MAPK4: variants seen among roughly 807,000 people sequenced by gnomAD.
MAPK4 encodes mitogen-activated protein kinase 4.
Under a neutral mutation model 47.7 loss-of-function variants are expected in MAPK4, and 22 were observed. The observed-to-expected ratio is 0.46, with a 90% confidence interval of 0.33 to 0.66. The LOEUF (loss-of-function observed/expected upper bound fraction) is 0.66, where lower values mean the gene tolerates loss of function less well. Among genes scored for constraint, MAPK4 ranks in the 30% least tolerant of loss-of-function variants. MAPK4 has a pLI of 0.02. For missense variants in MAPK4, 736 were observed against 831.7 expected, an observed-to-expected ratio of 0.88 and a Z score of 1.42; for synonymous variants, 390 against 365.7, an observed-to-expected ratio of 1.07 and a Z score of -0.76.
In MAPK4 at chr18:50,663,778, C is replaced by CCGT; in HGVS notation, c.-181_-180insCGT. On this transcript the variant is annotated 5_prime_UTR_variant, in exon 2 of 6. Coordinates refer to ENST00000400384, the MANE Select transcript of MAPK4 (RefSeq NM_002747.4). ...CCCCCAACTAGCACAGCTCAGCGAG[C>CCGT]ATGACCATATGCCATTCTCGTCTCC... 8 of 581,648 alleles carry CCGT rather than the reference C, an allele frequency of 1.4e-5. No homozygotes were observed. Among genetic ancestry groups the CCGT allele is most frequent in the Admixed American group, 6.1e-5 (2 of 32,966 alleles). The allele number at this position is 581,648 out of a possible 1,614,324, so 36.0% of individuals were successfully genotyped here.
intron 2 of MAPK4, among the ~76,000 whole-genome samples, chr18:50,704,280 C>T (rs985685663): frequency 2.0e-5 from 3 of 152,128 alleles, no homozygotes; most frequent in Non-Finnish European, 2.9e-5. Flanking sequence ...GAGGCTGAGG[C>T]GGGTGCAATG....
intron 1 of MAPK4, among the ~76,000 whole-genome samples, chr18:50,622,978 G>T (rs2042745735): frequency 1.3e-5 from 2 of 152,194 alleles, no homozygotes; most frequent in Admixed American, 1.3e-4. Context: ...CAGGAACAGA[G>T]CCCTTGAAGT....
intron 2 of MAPK4, among the ~76,000 whole-genome samples, chr18:50,683,471 T>TGTGTGC (rs887012568): frequency 1.5e-4 from 22 of 151,718 alleles, no homozygotes; most frequent in African/African-American, 4.9e-4. Flanking sequence ...TGTGTGTGTG[T>TGTGTGC]GTGTGTGTGT....
chr18:50,584,154 G>A (rs16952177), intron 1 of MAPK4, among the ~76,000 whole-genome samples: 6,160 of 152,198 alleles, frequency 0.04, 447 homozygotes, highest in African/African-American at 0.14. Context: ...TGTGTTTATC[G>A]TCCTTAAGCA....
At chr18:50,615,061 A>G (rs968437957) in intron 1 of MAPK4, among the ~76,000 whole-genome samples, 2 of 152,158 alleles carry the variant, frequency 1.3e-5, no homozygotes, top group African/African-American at 4.8e-5. Context: ...CTAGGGCAAG[A>G]GATGTGGAGA....
chr18:50,673,254 G>C (rs1277944822), intron 2 of MAPK4, among the ~76,000 whole-genome samples: 1 of 152,184 alleles, frequency 6.6e-6, no homozygotes, highest in Non-Finnish European at 1.5e-5. Context: ...TCCAGCCTAA[G>C]CGAAAGAGTG....
intron 1 of MAPK4, among the ~76,000 whole-genome samples, chr18:50,572,400 T>G (rs2042257784): frequency 6.6e-6 from 1 of 152,192 alleles, no homozygotes; most frequent in South Asian, 2.1e-4. Flanking sequence ...ACTCAGGTCA[T>G]TATGAAGTTT....
chr18:50,569,602 G>T (rs963513702), intron 1 of MAPK4, among the ~76,000 whole-genome samples: 1 of 152,170 alleles, frequency 6.6e-6, no homozygotes, highest in African/African-American at 2.4e-5. Flanking sequence ...TCCATTTCTG[G>T]TTGGGCCAGT....
chr18:50,668,890 A>G (rs1490971533), intron 2 of MAPK4, among the ~76,000 whole-genome samples: 2 of 152,112 alleles, frequency 1.3e-5, no homozygotes, highest in African/African-American at 4.8e-5. Flanking sequence ...TCACTTCCCG[A>G]TTGTCTTTTC....
At chr18:50,632,570 T>C (rs2042840753) in intron 1 of MAPK4, among the ~76,000 whole-genome samples, 1 of 151,962 alleles carries the variant, frequency 6.6e-6, no homozygotes, top group African/African-American at 2.4e-5. Flanking sequence ...ATTATACACC[T>C]CTGGACTTTA....
chr18:50,597,036 G>C (rs967290366), intron 1 of MAPK4, among the ~76,000 whole-genome samples: 23 of 152,178 alleles, frequency 1.5e-4, no homozygotes, highest in African/African-American at 4.6e-4. Context: ...TAAGTGTTAT[G>C]ACAATTGCAT....
intron 4 of MAPK4, among the ~76,000 whole-genome samples, chr18:50,724,914 G>A (rs1911112084): frequency 6.6e-6 from 1 of 152,204 alleles, no homozygotes; most frequent in African/African-American, 2.4e-5. Context: ...CTCCAGAGAT[G>A]CCAGTGCTGA....
At position 50,688,870 on chromosome 18, in the gene MAPK4, T is replaced by C. The variant is rs534275795; in HGVS notation, c.546+24366T>C. Among the ~76,000 whole-genome samples the C allele has an allele frequency of 2.8e-3, 311 of 109,126 alleles. 1 individual carries two copies. Among genetic ancestry groups the C allele is most frequent in the Admixed American group, 5.8e-3 (51 of 8,738 alleles). The allele number at this position is 109,126 out of a possible 152,430, so 71.6% of individuals were successfully genotyped here. A position where few individuals can be genotyped will look rare whatever the true frequency, so the allele number is the denominator to read the frequency against. On this transcript the variant is annotated intron_variant, in intron 2 of 5. Coordinates refer to ENST00000400384, the MANE Select transcript of MAPK4 (RefSeq NM_002747.4). ...TCATATAACCAAATACCACCTGTTCTCCCAAAAACCTATGGAAATAAAAAA... is the reference window on the plus strand; with the variant it reads ...TCATATAACCAAATACCACCTGTTCCCCCAAAAACCTATGGAAATAAAAAA...
chr18:50,585,481 T>C (rs966287798), intron 1 of MAPK4, among the ~76,000 whole-genome samples: 1 of 152,156 alleles, frequency 6.6e-6, no homozygotes, highest in Non-Finnish European at 1.5e-5. Context: ...GGGTAGGTAA[T>C]ATATCAACAT....
chr18:50,693,738 C>T (rs1348017008), intron 2 of MAPK4, among the ~76,000 whole-genome samples: 2 of 152,100 alleles, frequency 1.3e-5, no homozygotes, highest in African/African-American at 4.8e-5. Flanking sequence ...ATTGGATTCC[C>T]GTGGTAATCC....
intron 1 of MAPK4, among the ~76,000 whole-genome samples, chr18:50,568,391 C>T (rs1163791662): frequency 1.3e-5 from 2 of 152,086 alleles, no homozygotes; most frequent in African/African-American, 2.4e-5. Context: ...TTACATCGAG[C>T]ATTTGCTAAG....
chr18:50,609,416 G>A (rs9956682), intron 1 of MAPK4, among the ~76,000 whole-genome samples: 30,157 of 151,368 alleles, frequency 0.2, 2,958 homozygotes, highest in Middle Eastern at 0.26. Flanking sequence ...CGGACGGGGC[G>A]GCGAGATATG....
intron 1 of MAPK4, among the ~76,000 whole-genome samples, chr18:50,595,111 T>C (rs1330560222): frequency 3.3e-5 from 5 of 152,206 alleles, no homozygotes; most frequent in African/African-American, 7.2e-5. Context: ...GGTGGGAGTA[T>C]AAAGTGATAC....
intron 1 of MAPK4, among the ~76,000 whole-genome samples, chr18:50,656,470 A>T (rs1202236214): frequency 1.3e-5 from 2 of 152,202 alleles, no homozygotes; most frequent in Non-Finnish European, 2.9e-5. Context: ...AACAGGAGAG[A>T]GTGATTACCT....
Sources: allele counts gnomAD v4.1 joint callset (sites outside exome capture counted in the v4.1 genomes callset), GRCh38; gene constraint gnomAD v4.1.1; transcripts MANE v1.5; gene names NCBI Gene and HGNC (gene_info 2026-07-23, HGNC 2026-07-21).